The following MDFIC2 variants were observed in gnomAD, a reference collection of about 807,000 sequenced individuals.
MDFIC2 encodes the protein MyoD family inhibitor domain containing 2.
At chr3:70,198,361 A>G (rs974502270) in intron 3 of MDFIC2, among the ~76,000 whole-genome samples, 1 of 152,148 alleles carries the variant, frequency 6.6e-6, no homozygotes, top group Admixed American at 6.5e-5. Flanking sequence ...GATTTTGCCT[A>G]CAGTATAAGT....
chr3:70,277,265 A>G (rs934955258), intron 2 of MDFIC2, among the ~76,000 whole-genome samples: 1 of 152,228 alleles, frequency 6.6e-6, no homozygotes, highest in African/African-American at 2.4e-5. Flanking sequence ...AAGTGTTAGT[A>G]TATCATTTTA....
At chr3:70,204,135 A>G (rs886066170) in intron 3 of MDFIC2, among the ~76,000 whole-genome samples, 1 of 152,164 alleles carries the variant, frequency 6.6e-6, no homozygotes, top group Admixed American at 6.5e-5. Flanking sequence ...CAATGTATAT[A>G]AATAATAGAT....
At chr3:70,252,191 G>A (rs566283570) in intron 2 of MDFIC2, among the ~76,000 whole-genome samples, 7 of 152,248 alleles carry the variant, frequency 4.6e-5, no homozygotes, top group African/African-American at 1.4e-4. Flanking sequence ...CTGTTACTTG[G>A]CAAAATTGAA....
intron 2 of MDFIC2, among the ~76,000 whole-genome samples, chr3:70,271,031 A>G (rs1162231564): frequency 6.6e-6 from 1 of 152,178 alleles, no homozygotes; most frequent in Non-Finnish European, 1.5e-5. Flanking sequence ...CTTCAAGTAT[A>G]ATAATAAAAA....
chr3:70,206,861 A>G (rs774403654), intron 2 of MDFIC2, 71 bp from the exon 3 acceptor site: 80 of 396,164 alleles, frequency 2.0e-4, no homozygotes, highest in Non-Finnish European at 3.2e-4. Context: ...CTAAGAATGC[A>G]GAAATTTTCA....
At chr3:70,296,625 C>G (rs555193424) in intron 2 of MDFIC2, among the ~76,000 whole-genome samples, 8 of 152,234 alleles carry the variant, frequency 5.3e-5, no homozygotes, top group Non-Finnish European at 1.2e-4. Context: ...TGGACCTTGT[C>G]CTTGATGTTT....
Position 70,241,290 on chromosome 3 carries a change from T to C in MDFIC2, c.89-34500A>G, listed in dbSNP as rs76521307. 1.3e-3 allele frequency among the ~76,000 whole-genome samples: 191 copies of C among 152,242 alleles called. No individual in the cohort carries two copies. The East Asian group carries it at 0.014, about 11-fold the overall frequency. ...GGCAAACATAAAATCAAAAGGCAAA[T>C]TATTGCTGGAACTCATGATAAACAT... On this transcript the variant is annotated intron_variant, in intron 2 of 3. Coordinates refer to ENST00000567252, the MANE Select transcript of MDFIC2 (RefSeq NM_001364677.1).
At chr3:70,240,856 A>G (rs1463734663) in intron 2 of MDFIC2, among the ~76,000 whole-genome samples, 1 of 152,188 alleles carries the variant, frequency 6.6e-6, no homozygotes, top group Non-Finnish European at 1.5e-5. Context: ...TCAGTAATAT[A>G]GGCCCATAAG....
In MDFIC2 at chr3:70,213,989, A is replaced by G. The variant is rs1384662291; in HGVS notation, c.89-7199T>C. Among the ~76,000 whole-genome samples the G allele has an allele frequency of 2.0e-5, 3 of 152,142 alleles. No individual in the cohort carries two copies. The South Asian group carries it at 6.2e-4, about 31-fold the overall frequency. On this transcript the variant is annotated intron_variant, in intron 2 of 3. Coordinates refer to ENST00000567252, the MANE Select transcript of MDFIC2 (RefSeq NM_001364677.1). Reference sequence around the variant, plus strand: ...ACCCAAAGAAGCTATGTTTTCAAGAAAAAATATATTTTCTTCTTTGAAAGC... The same window carrying G: ...ACCCAAAGAAGCTATGTTTTCAAGAGAAAATATATTTTCTTCTTTGAAAGC...
chr3:70,204,970 CCT>C (rs1701276768), intron 3 of MDFIC2: 1 of 152,052 alleles, frequency 6.6e-6, no homozygotes, highest in African/African-American at 2.4e-5. Context: ...TTTGTAGAGG[CCT>C]CTCTGCCATT....
rs190581119 is a variant in MDFIC2 at position 70,299,938 on chromosome 3, C to G, written c.88+11948G>C. ...TCACACTCCCACACACGCCCTTTCT[C>G]CAGTCAAACGTAGCTATCGTTCTCT... On this transcript the variant is annotated intron_variant, in intron 2 of 3. Coordinates refer to ENST00000567252, the MANE Select transcript of MDFIC2 (RefSeq NM_001364677.1). Among the ~76,000 whole-genome samples the G allele has an allele frequency of 1.1e-3, 174 of 152,214 alleles. 2 individuals are homozygous for G. Among genetic ancestry groups the G allele is most frequent in the Admixed American group, 0.011 (165 of 15,272 alleles).
intron 2 of MDFIC2, among the ~76,000 whole-genome samples, chr3:70,292,551 A>G (rs6783522): frequency 0.21 from 31,655 of 152,056 alleles, 3,498 homozygotes; most frequent in South Asian, 0.28. Context: ...AAAAAAGGAT[A>G]GTTTATAAAC....
At chr3:70,281,345 A>G (rs1413832635) in intron 2 of MDFIC2, among the ~76,000 whole-genome samples, 2 of 152,040 alleles carry the variant, frequency 1.3e-5, no homozygotes, top group Non-Finnish European at 2.9e-5. Flanking sequence ...TTCTCTCTCA[A>G]CTTCATTATT....
At chr3:70,278,206 C>T (rs1702046758) in intron 2 of MDFIC2, among the ~76,000 whole-genome samples, 1 of 152,062 alleles carries the variant, frequency 6.6e-6, no homozygotes, top group African/African-American at 2.4e-5. Flanking sequence ...TTATATCTAA[C>T]TTTATTTGTC....
In MDFIC2 at chr3:70,290,343, T is replaced by A. The variant is rs545328114; in HGVS notation, c.88+21543A>T. Reference sequence around the variant, plus strand: ...AGTGTAAGGTGTCAGTGTGCCCCTGTTGGGGGGTGCCTCCCAGTTAGGCTG... The same window carrying A: ...AGTGTAAGGTGTCAGTGTGCCCCTGATGGGGGGTGCCTCCCAGTTAGGCTG... On this transcript the variant is annotated intron_variant, in intron 2 of 3. Transcript: ENST00000567252. 9.9e-5 allele frequency among the ~76,000 whole-genome samples: 15 copies of A among 152,182 alleles called. No individual in the cohort carries two copies. The East Asian group carries it at 2.7e-3, about 27-fold the overall frequency.
At chr3:70,211,978 T>C (rs1197584392) in intron 2 of MDFIC2, among the ~76,000 whole-genome samples, 3 of 151,954 alleles carry the variant, frequency 2.0e-5, no homozygotes, top group Non-Finnish European at 4.4e-5. Context: ...TATCAGCTTC[T>C]GCTATCCTCC....
chr3:70,209,835 C>T (rs913388165), intron 2 of MDFIC2, among the ~76,000 whole-genome samples: 1 of 152,200 alleles, frequency 6.6e-6, no homozygotes, highest in South Asian at 2.1e-4. Flanking sequence ...TACACACTCG[C>T]CTTTCCCTTA....
intron 2 of MDFIC2, among the ~76,000 whole-genome samples, chr3:70,282,559 A>C (rs1702098325): frequency 2.0e-5 from 3 of 152,136 alleles, no homozygotes; most frequent in Non-Finnish European, 2.9e-5. Context: ...TGAACATTCC[A>C]AGCAGTCTCC....
chr3:70,278,088 A>C (rs780248885), intron 2 of MDFIC2, among the ~76,000 whole-genome samples: 1 of 152,144 alleles, frequency 6.6e-6, no homozygotes, highest in Non-Finnish European at 1.5e-5. Context: ...GACAGCTCTC[A>C]TCATTTCCCC....
Sources: allele counts gnomAD v4.1 joint callset (sites outside exome capture counted in the v4.1 genomes callset), GRCh38; gene constraint gnomAD v4.1.1; transcripts MANE v1.5; gene names NCBI Gene and HGNC (gene_info 2026-07-23, HGNC 2026-07-21).